The following MSMO1 variants were observed in gnomAD, a reference collection of about 807,000 sequenced individuals.
MSMO1 encodes the protein C-4 methylsterol oxidase.
Under a neutral mutation model 30.4 loss-of-function variants are expected in MSMO1, and 18 were observed. That is an observed-to-expected ratio of 0.59 (90% CI 0.41 to 0.88). The LOEUF is 0.88. Ranked by LOEUF, MSMO1 falls within the 40% of genes least tolerant of loss-of-function variation. The pLI is 0.00. For synonymous variants in MSMO1, 84 were observed against 107.9 expected (o/e 0.78, Z 1.37); for missense variants, 284 against 340.5 (o/e 0.83, Z 1.31).
intron 1 of MSMO1, among the ~76,000 whole-genome samples, chr4:165,331,604 T>C (rs139494693): frequency 1.5e-4 from 23 of 152,306 alleles, no homozygotes; most frequent in African/African-American, 5.3e-4. Flanking sequence ...AGGAGTTGGC[T>C]AGGTTCTCAA....
chr4:165,332,638 C>T (rs893075582), intron 1 of MSMO1, among the ~76,000 whole-genome samples: 3 of 152,184 alleles, frequency 2.0e-5, no homozygotes, highest in Admixed American at 6.5e-5. Context: ...CAGTACTGGA[C>T]ATTAATAAGC....
intron 1 of MSMO1, 81 bp from the exon 2 acceptor site, chr4:165,333,259 G>T: frequency 1.7e-6 from 2 of 1,166,660 alleles, no homozygotes; most frequent in Non-Finnish European, 2.4e-6. Flanking sequence ...TTTTTAAAAT[G>T]ATCAGAGGAT....
intron 3 of MSMO1, 59 bp downstream of exon 3, chr4:165,337,996 C>T: frequency 6.7e-7 from 1 of 1,483,214 alleles, no homozygotes; most frequent in Non-Finnish European, 9.4e-7. Flanking sequence ...TTAAGTTATA[C>T]TTAATGTTTA....
In MSMO1 at chr4:165,338,581, A is replaced by T. The variant is rs184224508; in HGVS notation, c.405-71A>T. On this transcript the variant is annotated intron_variant, in intron 3 of 5. Transcript: ENST00000261507. Reference sequence around the variant, plus strand: ...GTTTTATGTAATGTCTCAAGCAGTGATCCCAACTAAAAGTCTGGATAGTTT... The same window carrying T: ...GTTTTATGTAATGTCTCAAGCAGTGTTCCCAACTAAAAGTCTGGATAGTTT... 5.5e-4 allele frequency: 766 copies of T among 1,380,380 alleles called. 6 individuals carry two copies. In the African/African-American group the frequency reaches 8.9e-3, roughly 16 times the overall value. The allele number at this position is 1,380,380 out of a possible 1,614,324, so 85.5% of individuals were successfully genotyped here. A position where few individuals can be genotyped will look rare whatever the true frequency, so the allele number is the denominator to read the frequency against.
intron 1 of MSMO1, among the ~76,000 whole-genome samples, chr4:165,330,570 A>G (rs901828066): frequency 6.6e-6 from 1 of 152,220 alleles, no homozygotes; most frequent in African/African-American, 2.4e-5. Context: ...CAAATTTACT[A>G]ATCACCTTGA....
At chr4:165,335,912 G>T (rs999142687) in intron 2 of MSMO1, among the ~76,000 whole-genome samples, 11 of 152,108 alleles carry the variant, frequency 7.2e-5, no homozygotes, top group African/African-American at 2.7e-4. Context: ...CAAGTTAAAG[G>T]AGTTTTAAAA....
intron 3 of MSMO1, 33 bp from the exon 4 acceptor site, chr4:165,338,619 T>G (rs913506272): frequency 1.2e-5 from 19 of 1,580,630 alleles, no homozygotes; most frequent in Non-Finnish European, 1.7e-5. Context: ...GTAAAAATTA[T>G]TTCTTACACA....
At chr4:165,336,202 A>T (rs972673952) in intron 2 of MSMO1, among the ~76,000 whole-genome samples, 19 of 151,342 alleles carry the variant, frequency 1.3e-4, no homozygotes, top group African/African-American at 4.1e-4. Context: ...CAGGAATGAA[A>T]AAGTAAAGCA....
chr4:165,330,946 A>G (rs1747371164), intron 1 of MSMO1, among the ~76,000 whole-genome samples: 1 of 152,210 alleles, frequency 6.6e-6, no homozygotes, highest in Non-Finnish European at 1.5e-5. Flanking sequence ...GGTTGGTTCA[A>G]AGAAAGATAA....
Position 165,333,638 on chromosome 4 carries a change from G to A in MSMO1, c.255+13G>A, listed in dbSNP as rs757440936. On this transcript the variant is annotated intron_variant, in intron 2 of 5. Coordinates refer to ENST00000261507, the MANE Select transcript of MSMO1 (RefSeq NM_006745.5). The stretch of plus-strand genomic sequence containing the variant: ...CAAAATTCAAAAGGTGAGTATAAGG[G>A]ACTAGAAATAGAATATTATCATTAA... 5 of 1,562,690 alleles carry A rather than the reference G, an allele frequency of 3.2e-6. No homozygotes were observed. The highest frequency in any genetic ancestry group is 1.2e-5 in the South Asian group (1 of 85,242).
At chr4:165,337,234 A>T (rs865961256) in intron 2 of MSMO1, among the ~76,000 whole-genome samples, 12 of 152,284 alleles carry the variant, frequency 7.9e-5, no homozygotes, top group South Asian at 2.1e-4. Context: ...ATGTTGATCT[A>T]ACTTTTCTCA....
At chr4:165,334,719 G>A (rs1448960023) in intron 2 of MSMO1, among the ~76,000 whole-genome samples, 1 of 152,202 alleles carries the variant, frequency 6.6e-6, no homozygotes, top group Non-Finnish European at 1.5e-5. Context: ...GTTAGAATTT[G>A]TAAGCTGATG....
chr4:165,334,629 A>G (rs141884695), intron 2 of MSMO1, among the ~76,000 whole-genome samples: 5 of 152,348 alleles, frequency 3.3e-5, no homozygotes, highest in African/African-American at 7.2e-5. Flanking sequence ...CGCTATGTAC[A>G]TGACAAGGTG....
intron 2 of MSMO1, among the ~76,000 whole-genome samples, chr4:165,334,816 C>A (rs1266836059): frequency 1.3e-5 from 2 of 152,170 alleles, no homozygotes; most frequent in Non-Finnish European, 2.9e-5. Context: ...AGAAAGTAGA[C>A]CATTGAGAGT....
intron 1 of MSMO1, 102 bp from the exon 2 acceptor site, chr4:165,333,238 A>C (rs549243463): frequency 1.1e-6 from 1 of 945,062 alleles, no homozygotes; most frequent in East Asian, 2.7e-5. Flanking sequence ...ATACTCCTTT[A>C]GTAATTATCA....
At chr4:165,341,573 G>T (rs1055339089) in intron 5 of MSMO1, among the ~76,000 whole-genome samples, 178 bp from the exon 6 acceptor site, 4 of 151,674 alleles carry the variant, frequency 2.6e-5, no homozygotes, top group Non-Finnish European at 5.9e-5. Flanking sequence ...TCTTAGAGTG[G>T]TTTCTAGAAT....
At position 165,342,267 on chromosome 4, in the gene MSMO1, C is replaced by T; in HGVS notation, c.*321C>T. The T allele has an allele frequency of 4.2e-6, 1 of 238,302 alleles. No homozygotes were observed. The highest frequency in any genetic ancestry group is 5.9e-5 in the South Asian group (1 of 17,014). The allele number at this position is 238,302 out of a possible 1,614,324, so 14.8% of individuals were successfully genotyped here. ...GCTTTTCTCCCAGTAAAACCATAGG[C>T]CTGAAGTTCACATTGGGTCTTTAAA... On this transcript the variant is annotated 3_prime_UTR_variant, in exon 6 of 6. Coordinates refer to ENST00000261507, the MANE Select transcript of MSMO1 (RefSeq NM_006745.5).
At chr4:165,335,650 A>C (rs1262735836) in intron 2 of MSMO1, among the ~76,000 whole-genome samples, 4 of 152,322 alleles carry the variant, frequency 2.6e-5, no homozygotes, top group African/African-American at 9.6e-5. Context: ...GGTTAGAAGT[A>C]GTAACCTTTG....
chr4:165,338,166 C>G (rs1405701808), intron 3 of MSMO1, among the ~76,000 whole-genome samples: 4 of 151,764 alleles, frequency 2.6e-5, no homozygotes, highest in Non-Finnish European at 5.9e-5. Flanking sequence ...TCCATAACGT[C>G]TTTTGTATGT....
Sources: gnomAD v4.1 joint callset for allele counts (sites outside exome capture counted in the v4.1 genomes callset) on GRCh38, gnomAD v4.1.1 for gene constraint, MANE v1.5 for transcripts, NCBI Gene and HGNC (gene_info 2026-07-23, HGNC 2026-07-21) for gene names.